STX8: variants seen among roughly 807,000 people sequenced by gnomAD.
STX8 encodes syntaxin-8.
In STX8, 23 loss-of-function variants were observed where a neutral mutation model predicts 37.5. The observed-to-expected ratio is 0.61, with a 90% CI of 0.44 to 0.87. The LOEUF is 0.87. Ranked by LOEUF, STX8 falls within the 40% of genes least tolerant of loss-of-function variation. The pLI, the probability that STX8 is intolerant of heterozygous loss-of-function variation, is 0.00. For synonymous variants in STX8, 115 were observed against 99.1 expected (o/e 1.16, Z -0.95); for missense variants, 313 against 284.7 (o/e 1.10, Z -0.71).
In STX8 at chr17:9,503,706, A is replaced by C. The variant is rs115796542; in HGVS notation, c.448+1332T>G. ...ATTTTAAAAAGCAGAATTAGAAAGA[A>C]TAATGTATCTGTACATACTGACATT... is the stretch of plus-strand genomic sequence containing the variant. On this transcript the variant is annotated intron_variant, in intron 5 of 7. Coordinates refer to ENST00000306357, the MANE Select transcript of STX8 (RefSeq NM_004853.3). Among the ~76,000 whole-genome samples, 508 of 152,330 alleles carry C rather than the reference A, an allele frequency of 3.3e-3. 7 individuals are homozygous for C. Among genetic ancestry groups the C allele is most frequent in the African/African-American group, 0.012 (486 of 41,584 alleles).
rs573333288 is a variant in STX8 at position 9,508,742 on chromosome 17, C to A, written c.324-3580G>T. 1.9e-3 allele frequency among the ~76,000 whole-genome samples: 288 copies of A among 152,186 alleles called. 1 individual carries two copies. The highest frequency in any genetic ancestry group is 3.5e-3 in the Non-Finnish European group (241 of 67,990). ...AATTCATGGGACACTATTAAGTGAA[C>A]AAATATTCACACTGTAGGTGTTCCA... On this transcript the variant is annotated intron_variant, in intron 4 of 7. Coordinates refer to ENST00000306357, the MANE Select transcript of STX8 (RefSeq NM_004853.3).
intron 4 of STX8, among the ~76,000 whole-genome samples, chr17:9,514,283 A>G (rs1567593026): frequency 6.6e-6 from 1 of 152,204 alleles, no homozygotes; most frequent in Non-Finnish European, 1.5e-5. Context: ...TACCCCATAA[A>G]TATGTATAAT....
intron 4 of STX8, among the ~76,000 whole-genome samples, chr17:9,530,135 G>A (rs191153647): frequency 7.2e-5 from 11 of 152,016 alleles, no homozygotes; most frequent in African/African-American, 2.7e-4. Context: ...GTGAAACCCC[G>A]TTTCTACTAA....
chr17:9,489,908 T>C (rs1906779058), intron 6 of STX8, among the ~76,000 whole-genome samples: 1 of 152,076 alleles, frequency 6.6e-6, no homozygotes, highest in Non-Finnish European at 1.5e-5. Context: ...CAGGCTGGTC[T>C]CAAACTCCTG....
intron 6 of STX8, among the ~76,000 whole-genome samples, chr17:9,399,048 C>CAA (rs376011880): frequency 2.3e-4 from 20 of 85,578 alleles, no homozygotes; most frequent in East Asian, 7.9e-4. Context: ...GACTCCAGCT[C>CAA]AAAAAAAAAA....
intron 4 of STX8, among the ~76,000 whole-genome samples, chr17:9,514,925 A>AT (rs1292933467): frequency 6.6e-6 from 1 of 152,216 alleles, no homozygotes; most frequent in Non-Finnish European, 1.5e-5. Flanking sequence ...AGCTAATAGC[A>AT]TATCACCTAC....
intron 7 of STX8, among the ~76,000 whole-genome samples, chr17:9,354,816 T>C (rs1031839699): frequency 1.3e-5 from 2 of 152,182 alleles, no homozygotes; most frequent in Non-Finnish European, 2.9e-5. Context: ...TCTAGCTCTC[T>C]ATTCTAGAAC....
intron 7 of STX8, among the ~76,000 whole-genome samples, chr17:9,292,705 G>A (rs1407536399): frequency 1.3e-5 from 2 of 152,184 alleles, no homozygotes; most frequent in African/African-American, 4.8e-5. Flanking sequence ...TCCTGGCCCT[G>A]GCTTACTAGG....
intron 2 of STX8, among the ~76,000 whole-genome samples, chr17:9,561,581 C>A (rs1191256426): frequency 6.9e-6 from 1 of 145,548 alleles, no homozygotes; most frequent in Non-Finnish European, 1.5e-5. Flanking sequence ...ATCGCTTGAA[C>A]CTGGGAGGCT....
intron 7 of STX8, among the ~76,000 whole-genome samples, chr17:9,279,367 G>C (rs1291277495): frequency 6.6e-6 from 1 of 152,054 alleles, no homozygotes; most frequent in Non-Finnish European, 1.5e-5. Flanking sequence ...GATTATAGGC[G>C]TGAGCCACTA....
chr17:9,430,680 C>T (rs1448135377), intron 6 of STX8, among the ~76,000 whole-genome samples: 6 of 143,278 alleles, frequency 4.2e-5, no homozygotes, highest in African/African-American at 1.0e-4. Context: ...GACAGAGTCT[C>T]GCTCTGTTGC....
intron 7 of STX8, among the ~76,000 whole-genome samples, chr17:9,375,552 T>C (rs538982552): frequency 9.2e-5 from 14 of 152,114 alleles, no homozygotes; most frequent in Non-Finnish European, 1.6e-4. Context: ...AAACAACATA[T>C]ATAACATTGT....
intron 2 of STX8, among the ~76,000 whole-genome samples, chr17:9,560,754 T>G (rs1480954861): frequency 1.3e-5 from 2 of 152,110 alleles, no homozygotes; most frequent in African/African-American, 4.8e-5. Context: ...TTGGTTTTTT[T>G]TTTTTTAAAT....
chr17:9,474,353 G>A (rs376711889), intron 6 of STX8, among the ~76,000 whole-genome samples: 11 of 152,186 alleles, frequency 7.2e-5, no homozygotes, highest in African/African-American at 2.4e-4. Context: ...ATCCTGAAGG[G>A]GGGTCATGGG....
At chr17:9,496,142 C>A (rs1904393015) in intron 5 of STX8, among the ~76,000 whole-genome samples, 1 of 150,080 alleles carries the variant, frequency 6.7e-6, no homozygotes, top group Non-Finnish European at 1.5e-5. Context: ...ATGGCATGAT[C>A]TCGGCTCACT....
Position 9,376,413 on chromosome 17 carries a change from T to C in STX8, c.643+2139A>G, listed in dbSNP as rs148693729. 4.8e-3 allele frequency among the ~76,000 whole-genome samples: 721 copies of C among 150,222 alleles called. 6 individuals are homozygous for C. The highest frequency in any genetic ancestry group is 0.017 in the African/African-American group (683 of 39,740). The stretch of plus-strand genomic sequence containing the variant: ...CGCACCAATCAGCACTCTGTAAAAA[T>C]AGACCAATCAGCACTCTGTAAAATG... On this transcript the variant is annotated intron_variant, in intron 7 of 7. Transcript: ENST00000306357.
intron 6 of STX8, chr17:9,469,116 C>T (rs2142433851): frequency 6.6e-6 from 1 of 152,250 alleles, no homozygotes; most frequent in Non-Finnish European, 1.5e-5. Context: ...ATGGTTAAAG[C>T]TCAACCTAGG....
chr17:9,380,350 T>G (rs1911753079), intron 6 of STX8, among the ~76,000 whole-genome samples: 1 of 148,492 alleles, frequency 6.7e-6, no homozygotes, highest in African/African-American at 2.5e-5. Context: ...TCTTCAAGGC[T>G]CTAGCAATCC....
chr17:9,535,679 G>A lies in STX8; in HGVS notation c.323+9493C>T, dbSNP rs183786746. Among the ~76,000 whole-genome samples the A allele has an allele frequency of 3.6e-3, 550 of 151,810 alleles. 1 individual carries two copies. Among genetic ancestry groups the A allele is most frequent in the Non-Finnish European group, 6.8e-3 (461 of 67,932 alleles). On this transcript the variant is annotated intron_variant, in intron 4 of 7. Transcript: ENST00000306357. ...AATCTCCTGACCTCATGATCTGCCC[G>A]CCTTGGCCTCCCAAAGTGCTGGGAT...
Sources: gnomAD v4.1 joint callset for allele counts (sites outside exome capture counted in the v4.1 genomes callset) on GRCh38, gnomAD v4.1.1 for gene constraint, MANE v1.5 for transcripts, NCBI Gene and HGNC (gene_info 2026-07-23, HGNC 2026-07-21) for gene names.